Variants in ALKBH3 observed in about 807,000 individuals in gnomAD.
ALKBH3 encodes alkB homolog 3, alpha-ketoglutarate dependent dioxygenase.
A neutral mutation model predicts 43.9 loss-of-function variants in ALKBH3; 51 were observed. That is an observed-to-expected ratio of 1.16 (90% CI 0.93 to 1.47). The LOEUF is 1.47. Among genes scored for constraint, ALKBH3 ranks in the 40% most tolerant of loss-of-function variants. The probability of loss-of-function intolerance (pLI) is 0.00; values close to 1 mark genes in which losing one functional copy is unlikely to be tolerated. For missense variants in ALKBH3, 361 were observed against 351.9 expected (o/e 1.03, Z -0.21); for synonymous variants, 102 against 115.2 (o/e 0.89, Z 0.73).
At chr11:43,881,969 C>T (rs1951714703) in intron 1 of ALKBH3, among the ~76,000 whole-genome samples, 1 of 152,174 alleles carries the variant, frequency 6.6e-6, no homozygotes, top group African/African-American at 2.4e-5. Context: ...TAGCTGGAGA[C>T]AGGAGTTTAA....
At position 43,898,949 on chromosome 11, in the gene ALKBH3, C is replaced by T. The variant is rs568405459; in HGVS notation, c.460-2567C>T. 1.1e-3 allele frequency: 815 copies of T among 748,686 alleles called. 1 individual carries two copies. The highest frequency in any genetic ancestry group is 1.3e-3 in the Non-Finnish European group (536 of 398,778). The allele number at this position is 748,686 out of a possible 1,614,324, so 46.4% of individuals were successfully genotyped here. On this transcript the variant is annotated intron_variant, in intron 7 of 9. Coordinates refer to ENST00000302708, the MANE Select transcript of ALKBH3 (RefSeq NM_139178.4). ...TGGTCCCCAAATCTCTCTACTGGACCATGGAGGAGCTGGAGAATGAAGACC... is the reference window on the plus strand; with the variant it reads ...TGGTCCCCAAATCTCTCTACTGGACTATGGAGGAGCTGGAGAATGAAGACC...
intron 7 of ALKBH3, among the ~76,000 whole-genome samples, chr11:43,895,155 C>G (rs1428752463): frequency 1.3e-5 from 2 of 152,132 alleles, no homozygotes; most frequent in African/African-American, 4.8e-5. Flanking sequence ...ATAATAGTAA[C>G]AATAATATTC....
intron 8 of ALKBH3, among the ~76,000 whole-genome samples, chr11:43,903,158 G>A (rs1469671659): frequency 6.6e-6 from 1 of 152,168 alleles, no homozygotes; most frequent in Non-Finnish European, 1.5e-5. Flanking sequence ...ATTGTTAGGG[G>A]ATTGGTAGTT....
chr11:43,895,687 TAA>T (rs1359747672), intron 7 of ALKBH3, among the ~76,000 whole-genome samples: 1 of 152,224 alleles, frequency 6.6e-6, no homozygotes, highest in Non-Finnish European at 1.5e-5. Flanking sequence ...ATAATAATAC[TAA>T]GTCTGTATGG....
At chr11:43,908,865 C>G (rs1951915901) in intron 8 of ALKBH3, among the ~76,000 whole-genome samples, 1 of 152,198 alleles carries the variant, frequency 6.6e-6, no homozygotes, top group South Asian at 2.1e-4. Flanking sequence ...GCTGAGAGAG[C>G]TTGTGCCGCA....
At position 43,882,575 on chromosome 11, in the gene ALKBH3, A is replaced by G; in HGVS notation, c.-70-8A>G. 1 of 1,347,046 alleles carries G rather than the reference A, an allele frequency of 7.4e-7. No individual in the cohort carries two copies. The highest frequency in any genetic ancestry group is 1.3e-5 in the South Asian group (1 of 74,280). 83.4% of individuals were successfully genotyped at this position (1,347,046 alleles called of 1,614,324 possible). On this transcript the variant is annotated splice_polypyrimidine_tract_variant and splice_region_variant and intron_variant, in intron 1 of 9. Coordinates refer to ENST00000302708, the MANE Select transcript of ALKBH3 (RefSeq NM_139178.4). ...AAAAGCACTGTTTTGTTTTGTTTTAATAAACAGATACCATGGAGTAGTTTG... is the reference window on the plus strand; with the variant it reads ...AAAAGCACTGTTTTGTTTTGTTTTAGTAAACAGATACCATGGAGTAGTTTG...
At chr11:43,897,185 A>C (rs915627088) in intron 7 of ALKBH3, 1 of 516,214 alleles carries the variant, frequency 1.9e-6, no homozygotes, top group Admixed American at 2.0e-5. Flanking sequence ...AAAGTTTGAC[A>C]TGGTTTCAGA....
intron 7 of ALKBH3, among the ~76,000 whole-genome samples, chr11:43,896,443 A>G (rs1364220422): frequency 6.6e-6 from 1 of 152,180 alleles, no homozygotes. Flanking sequence ...TGAGGGCAGG[A>G]AGCACCCAGC....
intron 5 of ALKBH3, among the ~76,000 whole-genome samples, chr11:43,886,877 C>CT (rs1271507478): frequency 6.6e-6 from 1 of 152,108 alleles, no homozygotes; most frequent in African/African-American, 2.4e-5. Flanking sequence ...ACTGCATGTT[C>CT]TCACTTGTAA....
chr11:43,898,508 A>T, intron 7 of ALKBH3: 1 of 940,566 alleles, frequency 1.1e-6, no homozygotes, highest in Admixed American at 1.7e-5. Context: ...GCACTCGGGG[A>T]GGAAGCCCTG....
intron 8 of ALKBH3, among the ~76,000 whole-genome samples, chr11:43,903,425 T>A (rs1951875842): frequency 6.6e-6 from 1 of 152,232 alleles, no homozygotes; most frequent in South Asian, 2.1e-4. Flanking sequence ...TCTCATTATT[T>A]AAGTTCAGAC....
At chr11:43,882,907 A>G (rs2135174289) in intron 2 of ALKBH3, 176 bp downstream of exon 2, 1 of 845,196 alleles carries the variant, frequency 1.2e-6, no homozygotes, top group Non-Finnish European at 1.8e-6. Flanking sequence ...TGGGTCTTTA[A>G]TGTTCCTCAT....
Position 43,919,157 on chromosome 11 carries a change from T to C in ALKBH3, c.768+21T>C, listed in dbSNP as rs375781750. 2.9e-4 allele frequency: 458 copies of C among 1,587,504 alleles called. 2 individuals are homozygous for C. Among genetic ancestry groups the C allele is most frequent in the Non-Finnish European group, 4.2e-5 (49 of 1,156,530 alleles). On this transcript the variant is annotated intron_variant, in intron 9 of 9. Transcript: ENST00000302708. ...GGCAGGTGAGGATCTGCAAGTAATA[T>C]GAATCTGCTTTCATGTGGAGGCAGT...
At position 43,899,353 on chromosome 11, in the gene ALKBH3, C is replaced by A. The variant is rs1200516866; in HGVS notation, c.460-2163C>A. ...TCCACAGCATGCCCGTGTGCACCAT[C>A]AGCAGCCTGCCCCAGGTGGATGATG... is the stretch of plus-strand genomic sequence containing the variant. On this transcript the variant is annotated intron_variant, in intron 7 of 9. Coordinates refer to ENST00000302708, the MANE Select transcript of ALKBH3 (RefSeq NM_139178.4). The A allele has an allele frequency of 5.7e-6, 4 of 697,162 alleles. No individual in the cohort carries two copies. In the Admixed American group the frequency reaches 7.2e-5, roughly 13 times the overall value. 43.2% of individuals were successfully genotyped at this position (697,162 alleles called of 1,614,324 possible).
intron 8 of ALKBH3, among the ~76,000 whole-genome samples, chr11:43,903,243 G>A (rs1951874980): frequency 6.6e-6 from 1 of 152,112 alleles, no homozygotes; most frequent in African/African-American, 2.4e-5. Context: ...ATATACCAAG[G>A]AGTACCACTT....
chr11:43,891,840 G>A (rs1005044242), intron 6 of ALKBH3, among the ~76,000 whole-genome samples: 11 of 152,206 alleles, frequency 7.2e-5, no homozygotes, highest in African/African-American at 2.7e-4. Context: ...CCCATGTGGT[G>A]TCTGCCAACA....
At chr11:43,905,118 G>A (rs559430380) in intron 8 of ALKBH3, among the ~76,000 whole-genome samples, 6 of 152,342 alleles carry the variant, frequency 3.9e-5, no homozygotes, top group Admixed American at 3.3e-4. Flanking sequence ...TTTTGAGACA[G>A]AAAAGCGTCT....
intron 8 of ALKBH3, among the ~76,000 whole-genome samples, chr11:43,915,374 A>C (rs1354688665): frequency 6.6e-6 from 1 of 152,088 alleles, no homozygotes; most frequent in Non-Finnish European, 1.5e-5. Context: ...AGATTGCTGC[A>C]GCCTTCTCAA....
intron 7 of ALKBH3, among the ~76,000 whole-genome samples, chr11:43,895,943 T>C (rs374481706): frequency 1.3e-5 from 2 of 152,340 alleles, no homozygotes; most frequent in African/African-American, 4.8e-5. Context: ...AATAGTCTTC[T>C]TAATGAAATT....
Sources: allele counts gnomAD v4.1 joint callset (sites outside exome capture counted in the v4.1 genomes callset), GRCh38; gene constraint gnomAD v4.1.1; transcripts MANE v1.5; gene names NCBI Gene and HGNC (gene_info 2026-07-23, HGNC 2026-07-21).